The following ACER3 variants were observed in gnomAD, a reference collection of about 807,000 sequenced individuals.
ACER3 encodes the protein alkaline ceramidase 3, also known as alkCDase 3.
In ACER3, 16 loss-of-function variants were observed where a neutral mutation model predicts 48.9. The ratio of observed to expected loss-of-function variants is 0.33; its 90% confidence interval spans 0.22 to 0.50. The LOEUF is 0.50. ACER3 is among the 20% of genes least tolerant of loss of function. The pLI, the probability that ACER3 is intolerant of heterozygous loss-of-function variation, is 0.98. For missense variants in ACER3, 227 were observed against 326.0 expected (o/e 0.70, Z 2.34); for synonymous variants, 109 against 107.8 (o/e 1.01, Z -0.07).
At chr11:76,957,478 C>CTA (rs1220212440) in intron 2 of ACER3, 6 of 451,568 alleles carry the variant, frequency 1.3e-5, no homozygotes, top group Non-Finnish European at 2.7e-5. Flanking sequence ...GAGTCTCACT[C>CTA]TGTCGCCGAG....
At chr11:76,884,582 C>T (rs192628215) in intron 1 of ACER3, among the ~76,000 whole-genome samples, 1 of 152,242 alleles carries the variant, frequency 6.6e-6, no homozygotes, top group African/African-American at 2.4e-5. Flanking sequence ...AAGGTTGCTT[C>T]ATCTATTAAA....
At chr11:76,883,182 G>A (rs775076174) in intron 1 of ACER3, among the ~76,000 whole-genome samples, 2 of 152,118 alleles carry the variant, frequency 1.3e-5, no homozygotes, top group Non-Finnish European at 2.9e-5. Flanking sequence ...TTACACTCCG[G>A]TGCTTCCAGA....
chr11:76,868,381 CTCTCTCTCTCTGTG>C, intron 1 of ACER3: 2 of 481,452 alleles, frequency 4.2e-6, no homozygotes, highest in Non-Finnish European at 6.2e-6. Flanking sequence ...TAATATCTCT[CTCTCTCTCTCTGTG>C]TGTGTGTGTG....
chr11:76,875,658 A>T (rs574189091), intron 1 of ACER3, among the ~76,000 whole-genome samples: 18 of 150,130 alleles, frequency 1.2e-4, no homozygotes, highest in South Asian at 4.2e-4. Context: ...AAAGCATATC[A>T]TTAAAGTTTA....
chr11:76,864,263 A>G (rs1945017177), intron 1 of ACER3, among the ~76,000 whole-genome samples: 1 of 152,220 alleles, frequency 6.6e-6, no homozygotes, highest in South Asian at 2.1e-4. Context: ...ACCTGCCAGA[A>G]GTTAGAGGTA....
At chr11:76,868,081 T>G in intron 1 of ACER3, 1 of 1,287,620 alleles carries the variant, frequency 7.8e-7, no homozygotes, top group East Asian at 5.6e-5. Context: ...TGACTGCTTG[T>G]AGCCCTTTGC....
At chr11:76,894,212 G>A (rs926290282) in intron 1 of ACER3, among the ~76,000 whole-genome samples, 6 of 152,170 alleles carry the variant, frequency 3.9e-5, no homozygotes, top group South Asian at 2.1e-4. Flanking sequence ...CCAGGAGATC[G>A]AGGCTGTAGT....
At chr11:76,969,490 G>T (rs1053176218) in intron 3 of ACER3, among the ~76,000 whole-genome samples, 38 of 151,988 alleles carry the variant, frequency 2.5e-4, no homozygotes, top group Non-Finnish European at 8.8e-5. Flanking sequence ...AAAGACACAG[G>T]CACACGTATG....
intron 2 of ACER3, among the ~76,000 whole-genome samples, chr11:76,927,842 T>G (rs923007980): frequency 6.6e-6 from 1 of 152,218 alleles, no homozygotes; most frequent in South Asian, 2.1e-4. Context: ...TGCCACGTTT[T>G]CTTAATCCAT....
intron 2 of ACER3, among the ~76,000 whole-genome samples, chr11:76,933,455 G>T (rs1202803995): frequency 1.3e-5 from 2 of 149,186 alleles, no homozygotes; most frequent in East Asian, 2.0e-4. Flanking sequence ...GTGTCCCTGG[G>T]TACTTGAGAT....
intron 6 of ACER3, among the ~76,000 whole-genome samples, chr11:76,993,064 C>A (rs1423130957): frequency 6.6e-6 from 1 of 152,090 alleles, no homozygotes; most frequent in Admixed American, 6.5e-5. Flanking sequence ...ATGGGTTTTA[C>A]CGTGTTGCCC....
chr11:76,899,356 C>T (rs766613989), intron 1 of ACER3, among the ~76,000 whole-genome samples: 1 of 152,164 alleles, frequency 6.6e-6, no homozygotes, highest in Non-Finnish European at 1.5e-5. Context: ...ATACTTCTGA[C>T]ATTTTATTAG....
chr11:76,898,640 C>T (rs187057701), intron 1 of ACER3, among the ~76,000 whole-genome samples: 27 of 151,848 alleles, frequency 1.8e-4, no homozygotes, highest in African/African-American at 6.3e-4. Flanking sequence ...CGCGGTGGCT[C>T]ACGCCTGTAA....
At chr11:76,880,362 C>T (rs1406960786) in intron 1 of ACER3, among the ~76,000 whole-genome samples, 3 of 152,144 alleles carry the variant, frequency 2.0e-5, no homozygotes, top group South Asian at 2.1e-4. Context: ...TTTCTGTGAC[C>T]AGATGTGTGG....
intron 7 of ACER3, chr11:77,011,414 C>T (rs1404920262): frequency 1.0e-6 from 1 of 975,758 alleles, no homozygotes; most frequent in Non-Finnish European, 1.2e-6. Flanking sequence ...TAGCACCCTA[C>T]CCCCACTGAT....
At chr11:76,861,608 C>G (rs1186155763) in intron 1 of ACER3, among the ~76,000 whole-genome samples, 5 of 152,202 alleles carry the variant, frequency 3.3e-5, no homozygotes, top group Non-Finnish European at 7.3e-5. Flanking sequence ...GGAACAGTTT[C>G]ACTAGTCTGA....
intron 7 of ACER3, among the ~76,000 whole-genome samples, chr11:77,001,514 C>T (rs193255800): frequency 3.8e-4 from 58 of 152,248 alleles, no homozygotes; most frequent in African/African-American, 1.3e-3. Flanking sequence ...TCTCGGCCTC[C>T]CAAAGTGCTG....
At chr11:76,891,115 T>TA (rs142772942) in intron 1 of ACER3, among the ~76,000 whole-genome samples, 11,079 of 147,206 alleles carry the variant, frequency 0.075, 695 homozygotes, top group African/African-American at 0.18. Flanking sequence ...CAAGACTGTC[T>TA]AAAAAAAAAA....
chr11:76,872,911 C>CTTTTTTTT (rs59654087), intron 1 of ACER3, among the ~76,000 whole-genome samples: 8 of 68,706 alleles, frequency 1.2e-4, no homozygotes, highest in African/African-American at 1.5e-4. Context: ...TTTTCTTTTT[C>CTTTTTTTT]TTTTTTTTTT....
Sources: gnomAD v4.1 joint callset for allele counts (sites outside exome capture counted in the v4.1 genomes callset) on GRCh38, gnomAD v4.1.1 for gene constraint, MANE v1.5 for transcripts, NCBI Gene and HGNC (gene_info 2026-07-23, HGNC 2026-07-21) for gene names.